CHST8: variants seen among roughly 807,000 people sequenced by gnomAD.
CHST8 encodes the protein GALNAC-4-ST1.
CHST8 carries 10 observed loss-of-function variants against 15.0 expected under a neutral mutation model. The observed-to-expected ratio is 0.67, with a 90% CI of 0.41 to 1.13. CHST8 has a LOEUF of 1.13. Among genes scored for constraint, CHST8 ranks in the 50% most tolerant of loss-of-function variants. The pLI is 0.00. For missense variants in CHST8, 634 were observed against 608.2 expected, an observed-to-expected ratio of 1.04 and a Z score of -0.45; for synonymous variants, 259 against 256.6, an observed-to-expected ratio of 1.01 and a Z score of -0.09.
At chr19:33,677,841 G>A (rs77112658) in intron 2 of CHST8, among the ~76,000 whole-genome samples, 1,928 of 152,342 alleles carry the variant, frequency 0.013, 43 homozygotes, top group African/African-American at 0.044. Context: ...GGTGAGAGAT[G>A]AGACTGGGCA....
chr19:33,637,859 G>GAAAA (rs566331956), intron 1 of CHST8, among the ~76,000 whole-genome samples: 1 of 75,328 alleles, frequency 1.3e-5, no homozygotes, highest in Non-Finnish European at 2.7e-5. Flanking sequence ...TATCTCTTAA[G>GAAAA]AAAAAAAAAA....
At chr19:33,633,124 C>G (rs1309459139) in intron 1 of CHST8, among the ~76,000 whole-genome samples, 2 of 152,188 alleles carry the variant, frequency 1.3e-5, no homozygotes, top group Non-Finnish European at 2.9e-5. Flanking sequence ...AGCCACCACA[C>G]CTGGCCCCTT....
intron 1 of CHST8, among the ~76,000 whole-genome samples, chr19:33,624,957 C>T (rs1437298792): frequency 1.3e-5 from 2 of 152,226 alleles, no homozygotes; most frequent in South Asian, 4.1e-4. Context: ...GCTACATCTG[C>T]TGCTTTGCAG....
chr19:33,696,063 T>A (rs1359543300), intron 3 of CHST8, among the ~76,000 whole-genome samples: 3 of 152,012 alleles, frequency 2.0e-5, no homozygotes, highest in Admixed American at 2.0e-4. Flanking sequence ...TAACCTCAGG[T>A]GATCCCCCCA....
At chr19:33,741,146 G>T (rs1360010003) in intron 3 of CHST8, among the ~76,000 whole-genome samples, 1 of 152,166 alleles carries the variant, frequency 6.6e-6, no homozygotes, top group African/African-American at 2.4e-5. Flanking sequence ...CCAGAATCTG[G>T]CCTGCTGCTG....
At chr19:33,749,391 T>A in intron 3 of CHST8, among the ~76,000 whole-genome samples, 1 of 90,008 alleles carries the variant, frequency 1.1e-5, no homozygotes, top group Non-Finnish European at 2.2e-5. Context: ...CCTCCTACCA[T>A]CCCCCCTCCA....
intron 3 of CHST8, among the ~76,000 whole-genome samples, chr19:33,767,502 A>G (rs546438281): frequency 6.6e-6 from 1 of 152,344 alleles, no homozygotes; most frequent in South Asian, 2.1e-4. Flanking sequence ...TGAGAACTTC[A>G]GCCAATGAAG....
intron 3 of CHST8, among the ~76,000 whole-genome samples, chr19:33,744,172 A>G (rs533332324): frequency 5.9e-4 from 90 of 152,124 alleles, no homozygotes; most frequent in African/African-American, 2.0e-3. Flanking sequence ...CCAATACCTG[A>G]TTTCTGGATC....
At chr19:33,742,352 G>C (rs1568351249) in intron 3 of CHST8, among the ~76,000 whole-genome samples, 1 of 152,222 alleles carries the variant, frequency 6.6e-6, no homozygotes, top group Non-Finnish European at 1.5e-5. Context: ...GGCTGTACAA[G>C]CGTGGCACCA....
At chr19:33,738,890 G>A (rs768884100) in intron 3 of CHST8, among the ~76,000 whole-genome samples, 18 of 152,200 alleles carry the variant, frequency 1.2e-4, no homozygotes, top group Non-Finnish European at 2.4e-4. Context: ...GTGCCCGGCC[G>A]GAGTCCAAGA....
chr19:33,648,902 C>CTTTT (rs376386370), intron 1 of CHST8, among the ~76,000 whole-genome samples: 33,015 of 99,978 alleles, frequency 0.33, 7,820 homozygotes, highest in East Asian at 0.39. Flanking sequence ...GAATGAAGCA[C>CTTTT]TTTTTTTTTT....
Position 33,771,972 on chromosome 19 carries a change from G to T in CHST8, c.184G>T (p.Gly62Cys), listed in dbSNP as rs367979870. The T allele has an allele frequency of 1.1e-5, 17 of 1,570,496 alleles. No homozygotes were observed. The highest frequency in any genetic ancestry group is 1.5e-5 in the Non-Finnish European group (17 of 1,160,984). The change falls in exon 5 of 5, where the codon GGC becomes TGC. Residue 62 changes from glycine to cysteine, a missense_variant. Gly to Cys is a radical substitution (Grantham distance 159, BLOSUM62 -3). Coordinates refer to ENST00000650847, the MANE Select transcript of CHST8 (RefSeq NM_001127895.2). Reference sequence around the variant, plus strand: ...CTTGCCCCAGGACCTCCCACCAGGCGGCTCCCAGGATGGTGACTTGAAGGA... The same window carrying T: ...CTTGCCCCAGGACCTCCCACCAGGCTGCTCCCAGGATGGTGACTTGAAGGA... ...RQPHHDLPPGGSQDGDLKEPT... is the reference protein window; with the variant it reads ...RQPHHDLPPGCSQDGDLKEPT...
chr19:33,698,931 A>C (rs1391247574), intron 3 of CHST8, among the ~76,000 whole-genome samples: 1 of 152,158 alleles, frequency 6.6e-6, no homozygotes, highest in African/African-American at 2.4e-5. Context: ...GGCACCATGC[A>C]GGGTGGGGAG....
chr19:33,768,813 G>A (rs930830324), intron 3 of CHST8, among the ~76,000 whole-genome samples: 4 of 152,184 alleles, frequency 2.6e-5, no homozygotes, highest in African/African-American at 9.7e-5. Flanking sequence ...TGCCTGATAA[G>A]CTGCCGTAAG....
chr19:33,651,403 A>T (rs151262582), intron 1 of CHST8, among the ~76,000 whole-genome samples: 31 of 152,246 alleles, frequency 2.0e-4, no homozygotes, highest in Admixed American at 3.3e-4. Flanking sequence ...ACTAGTGTTT[A>T]TAAATAATTA....
chr19:33,757,682 C>T (rs1974630723), intron 3 of CHST8, among the ~76,000 whole-genome samples: 1 of 151,796 alleles, frequency 6.6e-6, no homozygotes, highest in Non-Finnish European at 1.5e-5. Flanking sequence ...CAGCCAGCCA[C>T]TGACAAGCCC....
intron 2 of CHST8, among the ~76,000 whole-genome samples, chr19:33,675,338 A>T (rs895172988): frequency 6.6e-6 from 1 of 152,166 alleles, no homozygotes; most frequent in African/African-American, 2.4e-5. Flanking sequence ...CATAATGAGG[A>T]TGCCTGTAGC....
intron 1 of CHST8, 48 bp from the exon 2 acceptor site, chr19:33,667,719 A>T (rs1391771823): frequency 1.3e-5 from 2 of 152,136 alleles, no homozygotes; most frequent in Non-Finnish European, 2.9e-5. Flanking sequence ...AGCTCATTTT[A>T]ATGCTTGCTG....
At chr19:33,681,730 A>T (rs1910797382) in intron 2 of CHST8, among the ~76,000 whole-genome samples, 1 of 152,126 alleles carries the variant, frequency 6.6e-6, no homozygotes, top group South Asian at 2.1e-4. Flanking sequence ...AGATAGGGAA[A>T]CTCAAGTCCT....
Sources: gnomAD v4.1 joint callset for allele counts (sites outside exome capture counted in the v4.1 genomes callset) on GRCh38, gnomAD v4.1.1 for gene constraint, MANE v1.5 for transcripts, NCBI Gene and HGNC (gene_info 2026-07-23, HGNC 2026-07-21) for gene names.